Variants in FRK observed in about 807,000 individuals in gnomAD.
FRK encodes the protein fyn related Src family tyrosine kinase.
A neutral mutation model predicts 56.4 loss-of-function variants in FRK; 51 were observed. That is an observed-to-expected ratio of 0.90 (90% CI 0.72 to 1.14). FRK has a LOEUF of 1.14. Among genes scored for constraint, FRK ranks in the 50% most tolerant of loss-of-function variants. FRK has a pLI of 0.00. For missense variants in FRK, 570 were observed against 601.4 expected, an observed-to-expected ratio of 0.95 and a Z score of 0.55; for synonymous variants, 245 against 217.9, an observed-to-expected ratio of 1.12 and a Z score of -1.10.
intron 2 of FRK, among the ~76,000 whole-genome samples, chr6:115,985,072 G>A (rs540267977): frequency 6.6e-6 from 1 of 152,088 alleles, no homozygotes; most frequent in Non-Finnish European, 1.5e-5. Context: ...GAGCTGGATT[G>A]GAAATGAGAT....
At chr6:116,053,401 C>G (rs1218987340) in intron 1 of FRK, among the ~76,000 whole-genome samples, 2 of 152,088 alleles carry the variant, frequency 1.3e-5, no homozygotes, top group African/African-American at 4.8e-5. Context: ...TGAAAGTGCA[C>G]AGCATATAGT....
chr6:116,043,454 C>T (rs1214471705), intron 1 of FRK, among the ~76,000 whole-genome samples: 3 of 152,164 alleles, frequency 2.0e-5, no homozygotes, highest in African/African-American at 7.2e-5. Context: ...CTCACAACTA[C>T]ATGGAAACTG....
intron 5 of FRK, among the ~76,000 whole-genome samples, chr6:115,955,887 TCA>T (rs1317712816): frequency 3.3e-5 from 5 of 152,230 alleles, no homozygotes; most frequent in Non-Finnish European, 1.5e-5. Context: ...ATAATGCCCT[TCA>T]GTCTTCTCTG....
intron 1 of FRK, among the ~76,000 whole-genome samples, chr6:116,022,794 TA>T (rs1251584959): frequency 6.6e-6 from 1 of 152,142 alleles, no homozygotes; most frequent in African/African-American, 2.4e-5. Context: ...TCAGGCAACT[TA>T]ATTATCTAAT....
intron 1 of FRK, among the ~76,000 whole-genome samples, chr6:116,034,588 A>G (rs1776402338): frequency 6.6e-6 from 1 of 152,114 alleles, no homozygotes. Flanking sequence ...ATAAATTGCA[A>G]GGAAACTAAC....
chr6:116,080,910 T>C, the FRK span, among the ~76,000 whole-genome samples: 1 of 152,210 alleles, frequency 6.6e-6, no homozygotes, highest in Admixed American at 6.5e-5. Flanking sequence ...CTCATGCTGC[T>C]AATAAAGACA....
chr6:116,018,055 T>A (rs1775717056), intron 1 of FRK, among the ~76,000 whole-genome samples: 1 of 152,212 alleles, frequency 6.6e-6, no homozygotes, highest in African/African-American at 2.4e-5. Flanking sequence ...ATGTCCTTTC[T>A]GCTGAAGAGG....
intron 1 of FRK, among the ~76,000 whole-genome samples, chr6:116,021,165 C>T (rs917785618): frequency 4.0e-5 from 6 of 150,294 alleles, no homozygotes; most frequent in Admixed American, 2.0e-4. Context: ...TTTATGGAGG[C>T]CTATTATGCA....
chr6:116,060,221 T>A lies in FRK; in HGVS notation c.91A>T (p.Asn31Tyr). 6.2e-7 allele frequency: 1 copy of A among 1,614,058 alleles called. No individual in the cohort carries two copies. Among genetic ancestry groups the A allele is most frequent in the Non-Finnish European group, 8.5e-7 (1 of 1,180,018 alleles). ...TEADKSTVIENPGALCSPQSQ... is the reference protein window; with the variant it reads ...TEADKSTVIEYPGALCSPQSQ... ...TGGGGAGAGCAAAGGGCCCCTGGAT[T>A]TTCAATCACGGTTGACTTGTCTGCC... The change falls in exon 1 of 8, where the codon AAT becomes TAT. Residue 31 changes from asparagine (N) to tyrosine (Y), a missense_variant. Coordinates refer to ENST00000606080, the MANE Select transcript of FRK (RefSeq NM_002031.3).
the FRK span, among the ~76,000 whole-genome samples, chr6:116,091,503 G>T: frequency 6.6e-6 from 1 of 152,130 alleles, no homozygotes; most frequent in East Asian, 1.9e-4. Context: ...AAGGTCCGAG[G>T]CTTCATTCTT....
chr6:116,083,111 G>A, the FRK span, among the ~76,000 whole-genome samples: 9 of 152,310 alleles, frequency 5.9e-5, no homozygotes, highest in East Asian at 1.7e-3. Flanking sequence ...GTTTACCAAG[G>A]AGGGAGAGAT....
At chr6:116,083,578 A>C in the FRK span, among the ~76,000 whole-genome samples, 3 of 152,190 alleles carry the variant, frequency 2.0e-5, no homozygotes, top group African/African-American at 7.2e-5. Flanking sequence ...TATACATTGG[A>C]ATCATCTAGA....
chr6:115,945,586 T>C (rs1772406899), intron 5 of FRK, among the ~76,000 whole-genome samples: 1 of 152,188 alleles, frequency 6.6e-6, no homozygotes, highest in Admixed American at 6.5e-5. Context: ...GTTTTAGTCA[T>C]TGAGCCTATA....
chr6:116,043,807 A>G (rs1582750632), intron 1 of FRK, among the ~76,000 whole-genome samples: 1 of 152,090 alleles, frequency 6.6e-6, no homozygotes, highest in African/African-American at 2.4e-5. Context: ...GAAGTGGTTT[A>G]TTGAAAAGAT....
At chr6:116,076,701 T>C in the FRK span, among the ~76,000 whole-genome samples, 3 of 152,200 alleles carry the variant, frequency 2.0e-5, no homozygotes, top group African/African-American at 7.2e-5. Context: ...AATTCTCATG[T>C]GTTTTTCTTT....
At chr6:116,092,763 C>T in the FRK span, among the ~76,000 whole-genome samples, 6 of 152,196 alleles carry the variant, frequency 3.9e-5, no homozygotes, top group South Asian at 2.1e-4. Context: ...GGGACCGTTG[C>T]GAGTTCTTGG....
At chr6:115,978,149 G>C (rs1774055066) in intron 2 of FRK, among the ~76,000 whole-genome samples, 1 of 151,954 alleles carries the variant, frequency 6.6e-6, no homozygotes, top group Non-Finnish European at 1.5e-5. Flanking sequence ...TAACATACTT[G>C]GATTATATTA....
the FRK span, among the ~76,000 whole-genome samples, chr6:116,079,130 C>T: frequency 5.3e-5 from 8 of 152,104 alleles, no homozygotes; most frequent in South Asian, 1.2e-3. Flanking sequence ...CTCTCTCTAG[C>T]GGTGAAATTG....
chr6:115,995,938 T>A (rs1170203007), intron 2 of FRK, among the ~76,000 whole-genome samples: 1 of 152,158 alleles, frequency 6.6e-6, no homozygotes, highest in Non-Finnish European at 1.5e-5. Flanking sequence ...AAAACTAAAT[T>A]ATGACTTTAA....
Sources: gnomAD v4.1 joint callset for allele counts (sites outside exome capture counted in the v4.1 genomes callset) on GRCh38, gnomAD v4.1.1 for gene constraint, MANE v1.5 for transcripts, NCBI Gene and HGNC (gene_info 2026-07-23, HGNC 2026-07-21) for gene names.